PGM5: variants seen among roughly 807,000 people sequenced by gnomAD.
PGM5 encodes phosphoglucomutase 5.
In PGM5, 23 loss-of-function variants were observed where a neutral mutation model predicts 59.2. The observed-to-expected ratio is 0.39, with a 90% confidence interval of 0.28 to 0.55. PGM5 has a LOEUF of 0.55. PGM5 is among the 20% of genes least tolerant of loss of function. The pLI, the probability that PGM5 is intolerant of heterozygous loss-of-function variation, is 0.66. For synonymous variants in PGM5, 214 were observed against 286.0 expected (o/e 0.75, Z 2.54); for missense variants, 574 against 748.3 (o/e 0.77, Z 2.72).
At chr9:68,477,381 T>C (rs545393788) in intron 7 of PGM5, among the ~76,000 whole-genome samples, 1 of 152,310 alleles carries the variant, frequency 6.6e-6, no homozygotes, top group African/African-American at 2.4e-5. Flanking sequence ...GTACGGTAAA[T>C]GGTCTGTAGC....
At chr9:68,448,863 G>T (rs999086116) in intron 6 of PGM5, among the ~76,000 whole-genome samples, 20 of 152,208 alleles carry the variant, frequency 1.3e-4, no homozygotes, top group African/African-American at 4.6e-4. Flanking sequence ...AGCAGATTGT[G>T]GGCTGATTGT....
At chr9:68,440,734 A>G (rs1217941601) in intron 6 of PGM5, among the ~76,000 whole-genome samples, 1 of 152,066 alleles carries the variant, frequency 6.6e-6, no homozygotes, top group Non-Finnish European at 1.5e-5. Flanking sequence ...AAGGTTTCAC[A>G]TCAATAAACT....
chr9:68,524,403 G>C (rs963835746), intron 10 of PGM5, among the ~76,000 whole-genome samples: 1 of 152,162 alleles, frequency 6.6e-6, no homozygotes, highest in Non-Finnish European at 1.5e-5. Context: ...TGCAAGGCCT[G>C]CTTGGTTTGG....
At chr9:68,525,182 G>A (rs775310802) in intron 10 of PGM5, among the ~76,000 whole-genome samples, 4 of 152,024 alleles carry the variant, frequency 2.6e-5, no homozygotes, top group Non-Finnish European at 4.4e-5. Context: ...TAAAAACCCG[G>A]CACTGTTGAC....
At chr9:68,403,233 C>T (rs1326054663) in intron 6 of PGM5, among the ~76,000 whole-genome samples, 1 of 152,082 alleles carries the variant, frequency 6.6e-6, no homozygotes, top group South Asian at 2.1e-4. Context: ...GTTGCATGCT[C>T]CTTGCGAGAA....
At chr9:68,508,527 GT>G (rs1824693253) in intron 10 of PGM5, among the ~76,000 whole-genome samples, 1 of 152,080 alleles carries the variant, frequency 6.6e-6, no homozygotes, top group Non-Finnish European at 1.5e-5. Flanking sequence ...AATATCTTTT[GT>G]TTTGGTGCCA....
At chr9:68,388,139 C>T (rs1415486293) in intron 4 of PGM5, among the ~76,000 whole-genome samples, 1 of 136,570 alleles carries the variant, frequency 7.3e-6, no homozygotes, top group African/African-American at 2.7e-5. Flanking sequence ...CCACCCTTTC[C>T]ACCCACCAGT....
chr9:68,409,591 T>C (rs1474260065), intron 6 of PGM5, among the ~76,000 whole-genome samples: 1 of 133,002 alleles, frequency 7.5e-6, no homozygotes, highest in African/African-American at 2.8e-5. Flanking sequence ...TGGATGAAAT[T>C]GGAAATCATC....
chr9:68,363,331 TG>T (rs1834617591), intron 1 of PGM5, among the ~76,000 whole-genome samples: 1 of 152,312 alleles, frequency 6.6e-6, no homozygotes, highest in Admixed American at 6.5e-5. Flanking sequence ...CTAGAGCAAC[TG>T]AAGAACTGAA....
chr9:68,377,819 A>C (rs1381130200), intron 1 of PGM5, among the ~76,000 whole-genome samples: 1 of 152,158 alleles, frequency 6.6e-6, no homozygotes, highest in Non-Finnish European at 1.5e-5. Context: ...GAAGCACTCC[A>C]TTTCTTTTTT....
At chr9:68,358,107 C>A (rs1157594118) in intron 1 of PGM5, among the ~76,000 whole-genome samples, 1 of 152,072 alleles carries the variant, frequency 6.6e-6, no homozygotes, top group Non-Finnish European at 1.5e-5. Flanking sequence ...AGCCTGAGCT[C>A]GCAGTTCCCA....
At chr9:68,421,028 T>G (rs782645861) in intron 6 of PGM5, among the ~76,000 whole-genome samples, 1 of 152,218 alleles carries the variant, frequency 6.6e-6, no homozygotes, top group Non-Finnish European at 1.5e-5. Context: ...GAAAAGCTGA[T>G]GAAAGCTAGG....
intron 6 of PGM5, among the ~76,000 whole-genome samples, chr9:68,422,599 C>T (rs1823151775): frequency 6.6e-6 from 1 of 151,984 alleles, no homozygotes; most frequent in South Asian, 2.1e-4. Flanking sequence ...GCCCGGTGTA[C>T]TTTCTTCCCC....
chr9:68,395,008 A>T (rs1554679847), intron 6 of PGM5, among the ~76,000 whole-genome samples: 1 of 152,114 alleles, frequency 6.6e-6, no homozygotes, highest in Non-Finnish European at 1.5e-5. Flanking sequence ...TAATTAATGG[A>T]TTATATGATT....
chr9:68,370,187 T>G (rs1330007191), intron 1 of PGM5, among the ~76,000 whole-genome samples: 3 of 152,224 alleles, frequency 2.0e-5, no homozygotes, highest in African/African-American at 7.2e-5. Context: ...TCATTGTGTC[T>G]TCACTCTCTC....
chr9:68,390,142 C>T (rs1464619327), intron 4 of PGM5, among the ~76,000 whole-genome samples: 4 of 152,068 alleles, frequency 2.6e-5, no homozygotes, highest in African/African-American at 9.7e-5. Context: ...GAGCTCTGAG[C>T]CTGCTATGGG....
At chr9:68,398,489 G>A (rs1822572679) in intron 6 of PGM5, 1 of 152,248 alleles carries the variant, frequency 6.6e-6, no homozygotes, top group South Asian at 2.1e-4. Context: ...CTAGGACTAA[G>A]AAGGGTCCAG....
intron 6 of PGM5, among the ~76,000 whole-genome samples, chr9:68,413,184 C>T (rs1330847508): frequency 3.3e-5 from 5 of 152,172 alleles, no homozygotes; most frequent in South Asian, 2.1e-4. Context: ...TCCTTCTATA[C>T]CTGTCTGGCT....
At chr9:68,376,308 T>C (rs1554677634) in intron 1 of PGM5, among the ~76,000 whole-genome samples, 2 of 152,174 alleles carry the variant, frequency 1.3e-5, no homozygotes, top group African/African-American at 2.4e-5. Context: ...TGACATCCTT[T>C]ATTCTCTATT....
Sources: gnomAD v4.1 joint callset for allele counts (sites outside exome capture counted in the v4.1 genomes callset) on GRCh38, gnomAD v4.1.1 for gene constraint, MANE v1.5 for transcripts, NCBI Gene and HGNC (gene_info 2026-07-23, HGNC 2026-07-21) for gene names.